Variants in PSMB2 observed in about 807,000 individuals in gnomAD.
The protein encoded by PSMB2 is proteasome subunit beta type-2.
A neutral mutation model predicts 25.7 loss-of-function variants in PSMB2; 13 were observed. That is an observed-to-expected ratio of 0.51 (90% CI 0.33 to 0.80). The LOEUF is 0.80. Ranked by LOEUF, PSMB2 falls within the 30% of genes least tolerant of loss-of-function variation. The pLI is 0.02. For synonymous variants in PSMB2, 87 were observed against 96.2 expected (o/e 0.90, Z 0.56); for missense variants, 202 against 259.0 (o/e 0.78, Z 1.51).
chr1:35,608,712 G>A (rs1346474974), intron 4 of PSMB2, among the ~76,000 whole-genome samples: 3 of 152,188 alleles, frequency 2.0e-5, no homozygotes, highest in Non-Finnish European at 4.4e-5. Context: ...TCTTTCAAGA[G>A]GAGGCAGCCA....
intron 3 of PSMB2, among the ~76,000 whole-genome samples, chr1:35,629,887 G>A (rs903858854): frequency 9.9e-5 from 15 of 152,024 alleles, no homozygotes; most frequent in African/African-American, 2.4e-5. Context: ...CCACATTACC[G>A]GCCAGGTGCG....
intron 3 of PSMB2, among the ~76,000 whole-genome samples, chr1:35,611,058 G>A (rs567387767): frequency 6.6e-6 from 1 of 152,282 alleles, no homozygotes; most frequent in Admixed American, 6.5e-5. Context: ...CCAGGCATCA[G>A]GGGTGGGACT....
intron 5 of PSMB2, among the ~76,000 whole-genome samples, chr1:35,603,857 T>C (rs776622208): frequency 3.3e-5 from 5 of 151,834 alleles, no homozygotes; most frequent in African/African-American, 7.3e-5. Context: ...CTAGGTAACA[T>C]AGCAAGACCC....
intron 2 of PSMB2, among the ~76,000 whole-genome samples, chr1:35,634,777 T>G (rs533167032): frequency 6.6e-6 from 1 of 151,792 alleles, no homozygotes; most frequent in East Asian, 1.9e-4. Context: ...GTGTTGGGTT[T>G]TTTTTTTTTT....
rs1651395559 is a variant in PSMB2, at chr1:35,641,483, G to C, written c.-51C>G. On this transcript the variant is annotated 5_prime_UTR_variant, in exon 1 of 6. Coordinates refer to ENST00000373237, the MANE Select transcript of PSMB2 (RefSeq NM_002794.5). ...GTCCGACACAGCACGAGACTCGCCC[G>C]CTTCCAGGTCTCACCGGTGAGACAG... is the stretch of plus-strand genomic sequence containing the variant. 1.9e-6 allele frequency: 3 copies of C among 1,611,788 alleles called. No homozygotes were observed. Among genetic ancestry groups the C allele is most frequent in the Non-Finnish European group, 2.5e-6 (3 of 1,178,888 alleles).
chr1:35,622,827 A>G (rs569443560), intron 3 of PSMB2, among the ~76,000 whole-genome samples: 55 of 151,416 alleles, frequency 3.6e-4, no homozygotes, highest in Admixed American at 9.8e-4. Context: ...AAAAAAAAAG[A>G]AAGAAAAAGA....
chr1:35,620,098 T>G (rs922324126), intron 3 of PSMB2, among the ~76,000 whole-genome samples: 1 of 152,246 alleles, frequency 6.6e-6, no homozygotes, highest in Non-Finnish European at 1.5e-5. Flanking sequence ...AAGTTGTGCA[T>G]GCTAAGCATG....
intron 3 of PSMB2, among the ~76,000 whole-genome samples, chr1:35,626,512 T>C (rs1467327713): frequency 6.6e-6 from 1 of 152,248 alleles, no homozygotes; most frequent in African/African-American, 2.4e-5. Context: ...TAATACTATG[T>C]GCAATTTCGA....
chr1:35,623,056 T>A (rs982983479), intron 3 of PSMB2, among the ~76,000 whole-genome samples: 3 of 152,208 alleles, frequency 2.0e-5, no homozygotes, highest in Admixed American at 6.5e-5. Context: ...AGTGTTGTCA[T>A]ATTAATTGAG....
rs59158931 is a variant in PSMB2 at position 35,636,391 on chromosome 1, G to A, written c.133C>T (p.Leu45=). Residue 45 remains leucine, a synonymous_variant, in exon 2 of 6, where the codon CTG becomes TTG. Coordinates refer to ENST00000373237, the MANE Select transcript of PSMB2 (RefSeq NM_002794.5). ...GTGTCTCCAGCCTCTCCAACACACA[G>A]GAGTAATATCTTTTCACTCATCTTA... ...MFKMSEKILL[L]CVGEAGDTVQ... 3.3e-5 allele frequency: 53 copies of A among 1,613,926 alleles called. No individual in the cohort carries two copies. In the East Asian group the frequency reaches 9.8e-4, roughly 30 times the overall value.
At chr1:35,629,906 C>T (rs576193776) in intron 3 of PSMB2, among the ~76,000 whole-genome samples, 33 of 152,174 alleles carry the variant, frequency 2.2e-4, no homozygotes, top group Middle Eastern at 3.4e-3. Context: ...CGGTGGCTCG[C>T]GCCTGTAATC....
In PSMB2 at chr1:35,640,600, G is replaced by A. The variant is rs140864733; in HGVS notation, c.91+742C>T. ...TCTCCCCAGGATCCCACCTTATGCC[G>A]CCAACAAACTAACCTCATTACTAGC... is the stretch of plus-strand genomic sequence containing the variant. On this transcript the variant is annotated intron_variant, in intron 1 of 5. Transcript: ENST00000373237. 3.4e-3 allele frequency among the ~76,000 whole-genome samples: 510 copies of A among 152,126 alleles called. 3 individuals are homozygous for A. The highest frequency in any genetic ancestry group is 0.012 in the African/African-American group (492 of 41,472).
At chr1:35,624,933 C>A (rs550640439) in intron 3 of PSMB2, among the ~76,000 whole-genome samples, 1 of 151,844 alleles carries the variant, frequency 6.6e-6, no homozygotes, top group East Asian at 1.9e-4. Flanking sequence ...TGGTGGTGCA[C>A]GCCTGTAGTC....
At chr1:35,621,378 A>G (rs993063781) in intron 3 of PSMB2, among the ~76,000 whole-genome samples, 1 of 152,188 alleles carries the variant, frequency 6.6e-6, no homozygotes, top group Non-Finnish European at 1.5e-5. Context: ...TTGTTTCCTC[A>G]GCCCCAAGGA....
At chr1:35,615,498 A>G (rs1226865566) in intron 3 of PSMB2, among the ~76,000 whole-genome samples, 1 of 152,236 alleles carries the variant, frequency 6.6e-6, no homozygotes, top group Non-Finnish European at 1.5e-5. Context: ...AGTAACTAAG[A>G]GCGTGAAATT....
intron 3 of PSMB2, among the ~76,000 whole-genome samples, chr1:35,610,994 T>C (rs1370939065): frequency 1.3e-5 from 2 of 152,178 alleles, no homozygotes; most frequent in Admixed American, 1.3e-4. Context: ...GATGATTTTT[T>C]TTTTCTACAC....
chr1:35,605,361 A>T, intron 4 of PSMB2, 79 bp from the exon 5 acceptor site: 1 of 1,437,420 alleles, frequency 7.0e-7, no homozygotes, highest in South Asian at 1.2e-5. Context: ...TTAAGTTCCA[A>T]ATCTGGCTTC....
intron 4 of PSMB2, among the ~76,000 whole-genome samples, chr1:35,606,756 A>G (rs961195429): frequency 2.6e-5 from 4 of 152,212 alleles, no homozygotes; most frequent in African/African-American, 9.6e-5. Flanking sequence ...TCCTGAACAA[A>G]AAGAACAAAT....
At chr1:35,631,574 T>C (rs1179085782) in intron 2 of PSMB2, 15 of 1,181,852 alleles carry the variant, frequency 1.3e-5, no homozygotes, top group Non-Finnish European at 1.5e-5. Flanking sequence ...ACCAGTTCTA[T>C]AGTGGAATGA....
Sources: allele counts gnomAD v4.1 joint callset (sites outside exome capture counted in the v4.1 genomes callset), GRCh38; gene constraint gnomAD v4.1.1; transcripts MANE v1.5; gene names NCBI Gene and HGNC (gene_info 2026-07-23, HGNC 2026-07-21).